The following CLSTN2 variants were observed in gnomAD, a reference collection of about 807,000 sequenced individuals.
The protein encoded by CLSTN2 is calsyntenin 2, also known as calsyntenin-2.
Under a neutral mutation model 101.2 loss-of-function variants are expected in CLSTN2, and 48 were observed. The ratio of observed to expected loss-of-function variants is 0.47; its 90% CI spans 0.38 to 0.60. The LOEUF is 0.60. Among genes scored for constraint, CLSTN2 ranks in the 20% least tolerant of loss-of-function variants. The pLI is 0.00. For missense variants in CLSTN2, 1,160 were observed against 1,238.2 expected (o/e 0.94, Z 0.95); for synonymous variants, 481 against 463.6 (o/e 1.04, Z -0.48).
At chr3:140,449,334 G>A (rs939835417) in intron 6 of CLSTN2, 3 of 152,208 alleles carry the variant, frequency 2.0e-5, no homozygotes, top group Admixed American at 6.5e-5. Context: ...TCCTTATTCA[G>A]TATCACAAAG....
chr3:140,562,709 C>T (rs182497206), intron 13 of CLSTN2, 102 bp from the exon 14 acceptor site: 4 of 1,285,678 alleles, frequency 3.1e-6, no homozygotes, highest in Admixed American at 4.5e-5. Context: ...AACAAATTTA[C>T]AAGACCCATG....
At chr3:140,158,740 A>G (rs970715173) in intron 1 of CLSTN2, among the ~76,000 whole-genome samples, 2 of 152,196 alleles carry the variant, frequency 1.3e-5, no homozygotes, top group Non-Finnish European at 2.9e-5. Context: ...ATCCTAAGGG[A>G]AAAGAATAAA....
intron 2 of CLSTN2, among the ~76,000 whole-genome samples, chr3:140,380,587 C>A (rs2087969400): frequency 6.6e-6 from 1 of 152,174 alleles, no homozygotes; most frequent in Admixed American, 6.5e-5. Flanking sequence ...ATTTAAGCAC[C>A]TTCAGCAAAC....
intron 4 of CLSTN2, among the ~76,000 whole-genome samples, chr3:140,407,525 A>C (rs1261052755): frequency 6.6e-6 from 1 of 152,194 alleles, no homozygotes; most frequent in Admixed American, 6.5e-5. Context: ...GTGAGTATTC[A>C]AGGAGAAGCA....
At chr3:140,420,527 A>T (rs2088489972) in intron 4 of CLSTN2, among the ~76,000 whole-genome samples, 1 of 152,216 alleles carries the variant, frequency 6.6e-6, no homozygotes, top group African/African-American at 2.4e-5. Context: ...CTCAGAAAAA[A>T]GTTACTTGGT....
intron 1 of CLSTN2, among the ~76,000 whole-genome samples, chr3:140,016,324 A>G (rs1319354623): frequency 6.6e-6 from 1 of 152,220 alleles, no homozygotes; most frequent in Non-Finnish European, 1.5e-5. Context: ...TGGAGTGGTT[A>G]TACATTCAAT....
chr3:140,554,355 A>C (rs1451352733), intron 10 of CLSTN2, among the ~76,000 whole-genome samples: 10 of 152,226 alleles, frequency 6.6e-5, no homozygotes, highest in Non-Finnish European at 2.9e-5. Context: ...TTATAAAGAC[A>C]TTCAAGTCAG....
intron 1 of CLSTN2, among the ~76,000 whole-genome samples, chr3:140,063,873 A>G (rs137880710): frequency 2.0e-5 from 3 of 152,248 alleles, no homozygotes; most frequent in Admixed American, 6.5e-5. Flanking sequence ...TCAATTATGG[A>G]GTATCACACC....
chr3:140,088,023 G>A (rs1216314952), intron 1 of CLSTN2, among the ~76,000 whole-genome samples: 1 of 152,124 alleles, frequency 6.6e-6, no homozygotes, highest in African/African-American at 2.4e-5. Flanking sequence ...GATCTCTGGG[G>A]GCTCAACAGG....
intron 2 of CLSTN2, among the ~76,000 whole-genome samples, chr3:140,363,461 A>G (rs2087750241): frequency 6.6e-6 from 1 of 152,244 alleles, no homozygotes; most frequent in South Asian, 2.1e-4. Context: ...ATGCACTTAC[A>G]GTAGGTTAAT....
At chr3:140,320,714 A>G (rs1328190410) in intron 2 of CLSTN2, among the ~76,000 whole-genome samples, 1 of 152,214 alleles carries the variant, frequency 6.6e-6, no homozygotes, top group Non-Finnish European at 1.5e-5. Flanking sequence ...AAAAAAAGAA[A>G]AAAAGGATAC....
intron 1 of CLSTN2, among the ~76,000 whole-genome samples, chr3:140,013,085 G>A (rs1463059174): frequency 6.6e-6 from 1 of 152,218 alleles, no homozygotes; most frequent in Non-Finnish European, 1.5e-5. Context: ...ATGAGCCAAG[G>A]AGCAGCTATA....
At chr3:140,564,262 CT>C in intron 16 of CLSTN2, 117 bp downstream of exon 16, 1 of 839,258 alleles carries the variant, frequency 1.2e-6, no homozygotes, top group Non-Finnish European at 1.9e-6. Flanking sequence ...CCTGCCCCAT[CT>C]AGTCCAGCTC....
chr3:140,226,033 G>C (rs2086316725), intron 2 of CLSTN2, among the ~76,000 whole-genome samples: 1 of 152,134 alleles, frequency 6.6e-6, no homozygotes, highest in Admixed American at 6.5e-5. Flanking sequence ...AAATGCCTTG[G>C]AAAACACCTT....
chr3:139,953,430 G>T (rs67359785), intron 1 of CLSTN2, among the ~76,000 whole-genome samples: 7,128 of 152,180 alleles, frequency 0.047, 476 homozygotes, highest in African/African-American at 0.15. Context: ...CAGGCATAGA[G>T]GGTGGTTGTA....
chr3:140,134,077 CTGTT>C (rs1042636380), intron 1 of CLSTN2, among the ~76,000 whole-genome samples: 15 of 152,172 alleles, frequency 9.9e-5, no homozygotes, highest in African/African-American at 3.1e-4. Context: ...CCTTGGGAAA[CTGTT>C]TGTACTTAGA....
chr3:140,563,417 G>C (rs986502864), intron 15 of CLSTN2, among the ~76,000 whole-genome samples: 1 of 152,180 alleles, frequency 6.6e-6, no homozygotes, highest in African/African-American at 2.4e-5. Flanking sequence ...ACACATAATA[G>C]CAGAGGTCAG....
chr3:140,083,131 T>C (rs1253553690), intron 1 of CLSTN2, among the ~76,000 whole-genome samples: 2 of 152,234 alleles, frequency 1.3e-5, no homozygotes, highest in Non-Finnish European at 2.9e-5. Flanking sequence ...TCATGGCTTC[T>C]TGTATTCTTC....
chr3:139,938,056 T>A (rs1255721589), intron 1 of CLSTN2, among the ~76,000 whole-genome samples: 1 of 150,758 alleles, frequency 6.6e-6, no homozygotes, highest in Non-Finnish European at 1.5e-5. Context: ...ATGTTTGAAA[T>A]GATAAAGCTG....
Sources: allele counts gnomAD v4.1 joint callset (sites outside exome capture counted in the v4.1 genomes callset), GRCh38; gene constraint gnomAD v4.1.1; transcripts MANE v1.5; gene names NCBI Gene and HGNC (gene_info 2026-07-23, HGNC 2026-07-21).